The following MEX3D variants were observed in gnomAD, a reference collection of about 807,000 sequenced individuals.
The protein encoded by MEX3D is mex-3 RNA binding family member D.
A neutral mutation model predicts 6.3 loss-of-function variants in MEX3D; 4 were observed. The observed-to-expected ratio is 0.64, with a 90% CI of 0.31 to 1.46. The LOEUF is 1.46. Among genes scored for constraint, MEX3D ranks in the 40% most tolerant of loss-of-function variants. The probability of loss-of-function intolerance (pLI) is 0.07; values close to 1 mark genes in which losing one functional copy is unlikely to be tolerated. For missense variants in MEX3D, 1,038 were observed against 994.4 expected, an observed-to-expected ratio of 1.04 and a Z score of -0.59; for synonymous variants, 626 against 494.1, an observed-to-expected ratio of 1.27 and a Z score of -3.54.
At position 1,556,349 on chromosome 19, in the gene MEX3D, G is replaced by T; in HGVS notation, c.1170C>A (p.Leu390=). The T allele has an allele frequency of 7.0e-7, 1 of 1,425,212 alleles. No individual in the cohort carries two copies. The highest frequency in any genetic ancestry group is 9.1e-7 in the Non-Finnish European group (1 of 1,099,562). 88.3% of individuals were successfully genotyped at this position (1,425,212 alleles called of 1,614,324 possible). A position where few individuals can be genotyped will look rare whatever the true frequency, so the allele number is the denominator to read the frequency against. ...GRRPPTATAG[L]RGDTALGAPS... is the part of the protein sequence containing the mutation. ...GGGCGCCCAGGGCCGTGTCCCCGCGGAGGCCGGCCGTGGCCGTGGGGGGCC... is the reference window on the plus strand; with the variant it reads ...GGGCGCCCAGGGCCGTGTCCCCGCGTAGGCCGGCCGTGGCCGTGGGGGGCC... The change falls in exon 2 of 2, where the codon CTC becomes CTA. Residue 390 remains leucine (L), a synonymous_variant. Coordinates refer to ENST00000402693, the MANE Select transcript of MEX3D (RefSeq NM_203304.4). The surrounding 1 kb of genome is among the most constrained non-coding windows in gnomAD (Gnocchi z 7.5).
chr19:1,563,605 T>C (rs1280077996), intron 1 of MEX3D, among the ~76,000 whole-genome samples: 2 of 152,136 alleles, frequency 1.3e-5, no homozygotes, highest in Non-Finnish European at 2.9e-5. Flanking sequence ...AGGGTACATG[T>C]TGGGGTCTCA....
chr19:1,555,536 G>A lies in MEX3D; in HGVS notation c.*27C>T. The A allele has an allele frequency of 6.5e-7, 1 of 1,532,890 alleles. No homozygotes were observed. The highest frequency in any genetic ancestry group is 1.4e-5 in the African/African-American group (1 of 72,172). The allele number at this position is 1,532,890 out of a possible 1,614,324, so 95.0% of individuals were successfully genotyped here. A position where few individuals can be genotyped will look rare whatever the true frequency, so the allele number is the denominator to read the frequency against. On this transcript the variant is annotated 3_prime_UTR_variant, in exon 2 of 2. Transcript: ENST00000402693. ...GCGCCCACCCCTGGCCCCCGCAGAT[G>A]GCCCCGGCCACGTGGTGGTCCGCGC... is the stretch of plus-strand genomic sequence containing the variant.
rs2277752 is a variant in MEX3D, at chr19:1,555,552, T to C, written c.*11A>G. 0.12 allele frequency: 191,003 copies of C among 1,546,186 alleles called. 12,875 individuals carry two copies. The highest frequency in any genetic ancestry group is 0.34 in the East Asian group (13,972 of 40,624). On this transcript the variant is annotated 3_prime_UTR_variant, in exon 2 of 2. Transcript: ENST00000402693. Reference sequence around the variant, plus strand: ...CCCGCAGATGGCCCCGGCCACGTGGTGGTCCGCGCTCTAGGAAAAGATATG... The same window carrying C: ...CCCGCAGATGGCCCCGGCCACGTGGCGGTCCGCGCTCTAGGAAAAGATATG...
At chr19:1,566,073 C>A (rs1914831490) in intron 1 of MEX3D, among the ~76,000 whole-genome samples, 1 of 152,244 alleles carries the variant, frequency 6.6e-6, no homozygotes, top group Non-Finnish European at 1.5e-5. Context: ...GGGCAGCTGT[C>A]CCGTTCTAGG....
chr19:1,555,748 A>G lies in MEX3D; in HGVS notation c.1771T>C (p.Ser591Pro), dbSNP rs1174317493. ...TCTCGCGCCAGGGCCGGGGCCGAGG[A>G]CGCCGAAGGGGGCTTGCGGCTGTTC... ...SENSRKPPSA[S>P]SAPALARECV... Residue 591 changes from serine (S) to proline (P), a missense_variant, in exon 2 of 2, where the codon TCC becomes CCC. This residue lies in a region of MEX3D where 581 missense variants were observed against 516.2 expected (regional missense o/e 1.13). Transcript: ENST00000402693. The G allele has an allele frequency of 6.6e-7, 1 of 1,507,184 alleles. No homozygotes were observed. The highest frequency in any genetic ancestry group is 2.0e-4 in the Middle Eastern group (1 of 4,954). The allele number at this position is 1,507,184 out of a possible 1,614,324, so 93.4% of individuals were successfully genotyped here. A position where few individuals can be genotyped will look rare whatever the true frequency, so the allele number is the denominator to read the frequency against.
chr19:1,567,642 G>GGGCGGCGGC lies in MEX3D; in HGVS notation c.408_416dup (p.Pro137_Pro139dup). On this transcript the variant is annotated inframe_insertion, in exon 1 of 2. Coordinates refer to ENST00000402693, the MANE Select transcript of MEX3D (RefSeq NM_203304.4). This position sits in a 1 kb window ranked among gnomAD's most constrained non-coding sequence, Gnocchi z 6.5. ...CGAACACGTCGGGGGGCGACGGCCGGGGCGGCGGCGGCGGCGGGGGACTCG... is the reference window on the plus strand; with the variant it reads ...CGAACACGTCGGGGGGCGACGGCCGGGGCGGCGGCGGCGGCGGCGGCGGCGGGGGACTCG... 5 of 1,232,854 alleles carry GGGCGGCGGC rather than the reference G, an allele frequency of 4.1e-6. No individual in the cohort carries two copies. The highest frequency in any genetic ancestry group is 3.1e-4 in the Middle Eastern group (1 of 3,256). The allele number at this position is 1,232,854 out of a possible 1,614,324, so 76.4% of individuals were successfully genotyped here. A position where few individuals can be genotyped will look rare whatever the true frequency, so the allele number is the denominator to read the frequency against.
Position 1,555,820 on chromosome 19 carries a change from T to C in MEX3D, c.1699A>G (p.Ser567Gly). Residue 567 changes from serine to glycine, a missense_variant, in exon 2 of 2, where the codon AGC becomes GGC. Ser to Gly is a moderately conservative substitution (Grantham distance 56, BLOSUM62 0). Coordinates refer to ENST00000402693, the MANE Select transcript of MEX3D (RefSeq NM_203304.4). Reference sequence around the variant, plus strand: ...GGGGCGCAGGCGGCGGCCGCGGGGCTGCTGGGCAGCGAGGTGGCCGTGGAG... The same window carrying C: ...GGGGCGCAGGCGGCGGCCGCGGGGCCGCTGGGCAGCGAGGTGGCCGTGGAG... ...AFSTATSLPS[S>G]PAAAACAPLD... The C allele has an allele frequency of 1.5e-6, 2 of 1,364,412 alleles. No individual in the cohort carries two copies. Among genetic ancestry groups the C allele is most frequent in the Non-Finnish European group, 1.9e-6 (2 of 1,066,826 alleles). The allele number at this position is 1,364,412 out of a possible 1,614,324, so 84.5% of individuals were successfully genotyped here.
At position 1,567,650 on chromosome 19, in the gene MEX3D, G is replaced by A; in HGVS notation, c.409C>T (p.Pro137Ser). Residue 137 changes from proline (P) to serine (S), a missense_variant, in exon 1 of 2, where the codon CCG (proline) becomes TCG (serine). Coordinates refer to ENST00000402693, the MANE Select transcript of MEX3D (RefSeq NM_203304.4). The surrounding 1 kb of genome is among the most constrained non-coding windows in gnomAD (Gnocchi z 6.5). ...TCGGGGGGCGACGGCCGGGGCGGCG[G>A]CGGCGGCGGGGGACTCGCGTTGGGG... ...LDPNASPPPP[P>S]PPRPSPPDVF... The A allele has an allele frequency of 2.4e-6, 3 of 1,230,322 alleles. No individual in the cohort carries two copies. The highest frequency in any genetic ancestry group is 3.1e-6 in the Non-Finnish European group (3 of 980,208). The allele number at this position is 1,230,322 out of a possible 1,614,324, so 76.2% of individuals were successfully genotyped here. A position where few individuals can be genotyped will look rare whatever the true frequency, so the allele number is the denominator to read the frequency against.
chr19:1,566,343 G>C (rs984585893), intron 1 of MEX3D, among the ~76,000 whole-genome samples: 2 of 152,208 alleles, frequency 1.3e-5, no homozygotes, highest in African/African-American at 2.4e-5. Context: ...CACCTGGACC[G>C]AGGGAAAGGG....
rs1222559716 is a variant in MEX3D at position 1,556,562 on chromosome 19, C to A, written c.957G>T (p.Ala319=). The change falls in exon 2 of 2, where the codon GCG becomes GCT. Residue 319 remains alanine (A), a synonymous_variant. Transcript: ENST00000402693. The surrounding 1 kb of genome is among the most constrained non-coding windows in gnomAD (Gnocchi z 7.5). The part of the protein sequence containing the change: ...TPGRDKEPVF[A]VTGMPENVDR... Reference sequence around the variant, plus strand: ...CCACGTTCTCGGGCATCCCAGTGACCGCGAACACCGGCTCCTTGTCGCGCC... The same window carrying A: ...CCACGTTCTCGGGCATCCCAGTGACAGCGAACACCGGCTCCTTGTCGCGCC... 8.1e-6 allele frequency: 13 copies of A among 1,608,466 alleles called. No homozygotes were observed. The highest frequency in any genetic ancestry group is 1.0e-5 in the Non-Finnish European group (12 of 1,178,290).
Position 1,555,984 on chromosome 19 carries a change from CG to C in MEX3D, c.1534del (p.Arg512AlafsTer97). On this transcript the variant is annotated frameshift_variant, in exon 2 of 2. Transcript: ENST00000402693. LOFTEE classifies it low-confidence loss of function (END_TRUNC). ...ARRSSGAGTP[R>X]HSPTLPEPGG... ...GGGCTCGGGCAGCGTGGGCGAGTGG[CG>C]GGGGGTCCCGGCCCCACTGCTGCGC... 7 of 1,176,164 alleles carry C rather than the reference CG, an allele frequency of 6.0e-6. No homozygotes were observed. In the East Asian group the frequency reaches 1.3e-4, roughly 21 times the overall value. 72.9% of individuals were successfully genotyped at this position (1,176,164 alleles called of 1,614,324 possible). A position where few individuals can be genotyped will look rare whatever the true frequency, so the allele number is the denominator to read the frequency against.
chr19:1,557,242 C>G (rs1366258144), intron 1 of MEX3D, among the ~76,000 whole-genome samples: 1 of 152,148 alleles, frequency 6.6e-6, no homozygotes, highest in East Asian at 1.9e-4. Context: ...AAGCTGGACC[C>G]TAATATGCGG....
At position 1,556,868 on chromosome 19, in the gene MEX3D, C is replaced by T; in HGVS notation, c.651G>A (p.Val217=). 1 of 1,612,458 alleles carries T rather than the reference C, an allele frequency of 6.2e-7. No homozygotes were observed. The highest frequency in any genetic ancestry group is 8.5e-7 in the Non-Finnish European group (1 of 1,179,816). The change falls in exon 2 of 2, where the codon GTG becomes GTA. Residue 217 remains valine, a synonymous_variant. Transcript: ENST00000402693. The surrounding 1 kb of genome is among the most constrained non-coding windows in gnomAD (Gnocchi z 7.5). ...CGATGAAGACCGGCTCCTCGCCCCG[C>T]ACTGGGGTCTTGATGTAGGTGTTTG... is the stretch of plus-strand genomic sequence containing the variant. ...AKTNTYIKTP[V]RGEEPVFIVT...
rs1914855193 is a variant in MEX3D, at chr19:1,566,888, C to T, written c.595+576G>A. The stretch of plus-strand genomic sequence containing the variant: ...CCAGAAGTGGCTTTGACAGCCGGTC[C>T]TTCCCCAGGCCCCGAAATCCCTGAC... On this transcript the variant is annotated intron_variant, in intron 1 of 1. Coordinates refer to ENST00000402693, the MANE Select transcript of MEX3D (RefSeq NM_203304.4). 3.9e-5 allele frequency among the ~76,000 whole-genome samples: 6 copies of T among 152,178 alleles called. No homozygotes were observed. The South Asian group carries it at 1.2e-3, about 31-fold the overall frequency.
intron 1 of MEX3D, among the ~76,000 whole-genome samples, chr19:1,564,868 C>T (rs1016087385): frequency 7.3e-5 from 11 of 150,450 alleles, no homozygotes; most frequent in African/African-American, 2.2e-4. Flanking sequence ...GGGGCAGGGC[C>T]GGGGCACAAA....
At position 1,567,642 on chromosome 19, in the gene MEX3D, G is replaced by GGGCGGC. The variant is rs773372717; in HGVS notation, c.411_416dup (p.Pro138_Pro139dup). ...CGAACACGTCGGGGGGCGACGGCCG[G>GGGCGGC]GGCGGCGGCGGCGGCGGGGGACTCG... On this transcript the variant is annotated inframe_insertion, in exon 1 of 2. Coordinates refer to ENST00000402693, the MANE Select transcript of MEX3D (RefSeq NM_203304.4). This position sits in a 1 kb window ranked among gnomAD's most constrained non-coding sequence, Gnocchi z 6.5. The GGGCGGC allele has an allele frequency of 3.2e-6, 4 of 1,232,772 alleles. No homozygotes were observed. The highest frequency in any genetic ancestry group is 3.4e-5 in the East Asian group (1 of 29,798). The allele number at this position is 1,232,772 out of a possible 1,614,324, so 76.4% of individuals were successfully genotyped here.
rs768673791 is a variant in MEX3D, at chr19:1,556,511, C to T, written c.1008G>A (p.Ala336=). Residue 336 remains alanine, a synonymous_variant, in exon 2 of 2, where the codon GCG becomes GCA. Coordinates refer to ENST00000402693, the MANE Select transcript of MEX3D (RefSeq NM_203304.4). The surrounding 1 kb of genome is among the most constrained non-coding windows in gnomAD (Gnocchi z 7.5). Reference sequence around the variant, plus strand: ...AGGCGCCAGTGCGCAGCGTGATGTGCGCCTCGATCTCCTCGCGCGCGCGGT... The same window carrying T: ...AGGCGCCAGTGCGCAGCGTGATGTGTGCCTCGATCTCCTCGCGCGCGCGGT... ...NVDRAREEIE[A]HITLRTGAFT... The T allele has an allele frequency of 7.5e-6, 12 of 1,605,706 alleles. No homozygotes were observed. Among genetic ancestry groups the T allele is most frequent in the Admixed American group, 5.0e-5 (3 of 59,790 alleles).
Position 1,567,632 on chromosome 19 carries a change from G to A in MEX3D, c.427C>T (p.Pro143Ser). The A allele has an allele frequency of 7.8e-7, 1 of 1,276,432 alleles. No individual in the cohort carries two copies. The highest frequency in any genetic ancestry group is 4.3e-5 in the Admixed American group (1 of 23,440). The allele number at this position is 1,276,432 out of a possible 1,614,324, so 79.1% of individuals were successfully genotyped here. A position where few individuals can be genotyped will look rare whatever the true frequency, so the allele number is the denominator to read the frequency against. ...GCGAAGCCCGCGAACACGTCGGGGG[G>A]CGACGGCCGGGGCGGCGGCGGCGGC... is the stretch of plus-strand genomic sequence containing the variant. ...PPPPPPPRPS[P>S]PDVFAGFAPH... The change falls in exon 1 of 2, where the codon CCC becomes TCC. Residue 143 changes from proline to serine, a missense_variant. Transcript: ENST00000402693. This position sits in a 1 kb window ranked among gnomAD's most constrained non-coding sequence, Gnocchi z 6.5.
intron 1 of MEX3D, among the ~76,000 whole-genome samples, chr19:1,566,621 G>A (rs1914847004): frequency 6.6e-6 from 1 of 152,066 alleles, no homozygotes; most frequent in Non-Finnish European, 1.5e-5. Flanking sequence ...AGGGAGGCAG[G>A]CGGGCGGGTG....
Sources: allele counts gnomAD v4.1 joint callset (sites outside exome capture counted in the v4.1 genomes callset), GRCh38; gene constraint gnomAD v4.1.1; regional missense constraint gnomAD v4.1.1; non-coding constraint Gnocchi (gnomAD v3.1); transcripts MANE v1.5; gene names NCBI Gene and HGNC (gene_info 2026-07-23, HGNC 2026-07-21).